PDE4D: variants seen among roughly 807,000 people sequenced by gnomAD.
PDE4D encodes 3',5'-cyclic-AMP phosphodiesterase 4D.
Under a neutral mutation model 87.4 loss-of-function variants are expected in PDE4D, and 24 were observed. The observed-to-expected ratio is 0.27, with a 90% CI of 0.20 to 0.39. PDE4D has a LOEUF of 0.39. Ranked by LOEUF, PDE4D falls within the 10% of genes least tolerant of loss-of-function variation. The probability of loss-of-function intolerance (pLI) is 1.00; values close to 1 mark genes in which losing one functional copy is unlikely to be tolerated. For missense variants in PDE4D, 714 were observed against 1,041.0 expected (o/e 0.69, Z 4.32); for synonymous variants, 384 against 383.2 (o/e 1.00, Z -0.02).
chr5:59,946,460 C>T (rs758372508), intron 3 of PDE4D, among the ~76,000 whole-genome samples: 5 of 152,206 alleles, frequency 3.3e-5, no homozygotes, highest in Admixed American at 6.5e-5. Context: ...AATAAGAGAT[C>T]AGCCAAAGCA....
At chr5:59,209,593 A>G (rs1749635754) in intron 2 of PDE4D, among the ~76,000 whole-genome samples, 1 of 152,238 alleles carries the variant, frequency 6.6e-6, no homozygotes, top group East Asian at 1.9e-4. Context: ...TAACAGCAAC[A>G]CATTGGCCAA....
At chr5:59,135,845 T>A (rs1776984563) in intron 5 of PDE4D, among the ~76,000 whole-genome samples, 1 of 152,190 alleles carries the variant, frequency 6.6e-6, no homozygotes, top group African/African-American at 2.4e-5. Flanking sequence ...AAAGAATAAA[T>A]TATATCCTTC....
chr5:59,794,357 C>G (rs1279561292), intron 1 of PDE4D, among the ~76,000 whole-genome samples: 1 of 152,180 alleles, frequency 6.6e-6, no homozygotes, highest in East Asian at 1.9e-4. Context: ...ATGCGCTTCT[C>G]TAAGATGCTC....
intron 5 of PDE4D, among the ~76,000 whole-genome samples, chr5:59,116,548 C>A (rs1410617706): frequency 6.6e-6 from 1 of 152,132 alleles, no homozygotes; most frequent in Admixed American, 6.5e-5. Flanking sequence ...ATAAAAAGAA[C>A]CCACAACTGC....
At chr5:60,001,266 C>T (rs1415149038) in intron 2 of PDE4D, among the ~76,000 whole-genome samples, 2 of 152,048 alleles carry the variant, frequency 1.3e-5, no homozygotes, top group East Asian at 1.9e-4. Flanking sequence ...CTGTAAAGAC[C>T]GAAAGACTGT....
At chr5:59,243,262 A>C (rs1333799696) in intron 1 of PDE4D, among the ~76,000 whole-genome samples, 1 of 152,060 alleles carries the variant, frequency 6.6e-6, no homozygotes, top group Non-Finnish European at 1.5e-5. Context: ...GCTTTTGACC[A>C]GCTTTAGAAG....
chr5:59,621,140 G>A (rs751559443), intron 1 of PDE4D, among the ~76,000 whole-genome samples: 11 of 152,064 alleles, frequency 7.2e-5, no homozygotes, highest in Non-Finnish European at 1.5e-4. Context: ...ACTCAACTCT[G>A]CAATTTCCAT....
intron 1 of PDE4D, among the ~76,000 whole-genome samples, chr5:60,401,424 C>T (rs1032715132): frequency 6.6e-6 from 1 of 152,244 alleles, no homozygotes; most frequent in African/African-American, 2.4e-5. Flanking sequence ...CTTCAGTCTA[C>T]TCAATTGCTG....
At chr5:60,217,599 A>C (rs963360438) in intron 1 of PDE4D, among the ~76,000 whole-genome samples, 1 of 151,996 alleles carries the variant, frequency 6.6e-6, no homozygotes, top group African/African-American at 2.4e-5. Context: ...ATGTTCATCA[A>C]AATAAATTAT....
intron 1 of PDE4D, among the ~76,000 whole-genome samples, chr5:59,731,997 C>A (rs984667403): frequency 6.6e-6 from 1 of 152,162 alleles, no homozygotes; most frequent in Non-Finnish European, 1.5e-5. Flanking sequence ...AAGTAAATCC[C>A]AATCATTGCC....
At chr5:59,971,790 A>G (rs1760794378) in intron 3 of PDE4D, among the ~76,000 whole-genome samples, 1 of 152,178 alleles carries the variant, frequency 6.6e-6, no homozygotes, top group African/African-American at 2.4e-5. Context: ...ACTTCTAGCA[A>G]AGTCAGGGCA....
At chr5:60,121,206 T>C (rs960009952) in intron 2 of PDE4D, among the ~76,000 whole-genome samples, 3 of 151,736 alleles carry the variant, frequency 2.0e-5, no homozygotes, top group Admixed American at 6.6e-5. Flanking sequence ...GATATATATA[T>C]ATATATCTCC....
intron 2 of PDE4D, among the ~76,000 whole-genome samples, chr5:60,110,441 A>G (rs1306545099): frequency 2.0e-5 from 3 of 152,110 alleles, no homozygotes; most frequent in African/African-American, 4.8e-5. Context: ...TAATCATCAA[A>G]ACCACAATGA....
intron 2 of PDE4D, among the ~76,000 whole-genome samples, chr5:60,140,668 C>T (rs533981745): frequency 2.0e-5 from 3 of 151,234 alleles, no homozygotes; most frequent in South Asian, 2.1e-4. Context: ...AAGTATTTAA[C>T]GCATCATGAA....
At chr5:59,821,512 T>C (rs1397268983) in intron 1 of PDE4D, among the ~76,000 whole-genome samples, 2 of 152,240 alleles carry the variant, frequency 1.3e-5, no homozygotes. Context: ...TTTATTTATA[T>C]TGTTACTTAA....
intron 1 of PDE4D, among the ~76,000 whole-genome samples, chr5:60,500,906 TG>T (rs202044876): frequency 6.6e-6 from 1 of 151,770 alleles, no homozygotes; most frequent in Non-Finnish European, 1.5e-5. Context: ...CTCTAACAGC[TG>T]AGGCAACTGA....
intron 3 of PDE4D, among the ~76,000 whole-genome samples, chr5:59,934,739 C>T (rs1756380570): frequency 6.6e-6 from 1 of 151,796 alleles, no homozygotes; most frequent in South Asian, 2.1e-4. Flanking sequence ...TTCGTGTAGG[C>T]CTTAAAAGAT....
chr5:58,976,550 G>A, intron 12 of PDE4D, 78 bp from the exon 13 acceptor site: 3 of 1,157,124 alleles, frequency 2.6e-6, no homozygotes, highest in Admixed American at 4.7e-5. Context: ...ATATAAGAAT[G>A]AAAAAGGAAT....
chr5:59,298,800 A>G (rs184422582), intron 1 of PDE4D, among the ~76,000 whole-genome samples: 9 of 152,316 alleles, frequency 5.9e-5, no homozygotes, highest in East Asian at 1.9e-4. Flanking sequence ...ATTTCCCCCT[A>G]TGGAAGCTCC....
Sources: gnomAD v4.1 joint callset for allele counts (sites outside exome capture counted in the v4.1 genomes callset) on GRCh38, gnomAD v4.1.1 for gene constraint, MANE v1.5 for transcripts, NCBI Gene and HGNC (gene_info 2026-07-23, HGNC 2026-07-21) for gene names.